The following CNTNAP2 variants were observed in gnomAD, a reference collection of about 807,000 sequenced individuals.
CNTNAP2 encodes contactin-associated protein-like 2.
In CNTNAP2, 98 loss-of-function variants were observed where a neutral mutation model predicts 155.2. That is an observed-to-expected ratio of 0.63 (90% CI 0.54 to 0.75). The LOEUF is 0.75. Among genes scored for constraint, CNTNAP2 ranks in the 30% least tolerant of loss-of-function variants. The pLI, the probability that CNTNAP2 is intolerant of heterozygous loss-of-function variation, is 0.00. For synonymous variants in CNTNAP2, 651 were observed against 631.2 expected, an observed-to-expected ratio of 1.03 and a Z score of -0.47; for missense variants, 1,727 against 1,688.1, an observed-to-expected ratio of 1.02 and a Z score of -0.40.
In CNTNAP2 at chr7:148,062,028, A is replaced by AGAGAGAGAGAGTGTGTGT. The variant is rs1388530831; in HGVS notation, c.2384-56089_2384-56088insAGAGAGAGAGTGTGTGTG. ...ATAGATGATAGAGAGAGAGAGAGAGAGTGTGTGTGTGTGTGTGTGTGTGTG... is the reference window on the plus strand; with the variant it reads ...ATAGATGATAGAGAGAGAGAGAGAGAGAGAGAGAGAGTGTGTGTGTGTGTGTGTGTGTGTGTGTGTGTG... On this transcript the variant is annotated intron_variant, in intron 15 of 23. Coordinates refer to ENST00000361727, the MANE Select transcript of CNTNAP2 (RefSeq NM_014141.6). 1.4e-4 allele frequency among the ~76,000 whole-genome samples: 15 copies of AGAGAGAGAGAGTGTGTGT among 106,016 alleles called. No homozygotes were observed. In the East Asian group the frequency reaches 2.2e-3, roughly 15 times the overall value. 69.6% of individuals were successfully genotyped at this position (106,016 alleles called of 152,430 possible).
At chr7:148,291,537 C>T (rs7781637) in intron 21 of CNTNAP2, among the ~76,000 whole-genome samples, 9,014 of 152,004 alleles carry the variant, frequency 0.059, 342 homozygotes, top group African/African-American at 0.11. Flanking sequence ...GTATTCTAGC[C>T]GTGCTGGCAG....
intron 2 of CNTNAP2, among the ~76,000 whole-genome samples, chr7:146,795,841 TA>T: frequency 1.3e-5 from 2 of 152,292 alleles, no homozygotes; most frequent in Admixed American, 1.3e-4. Flanking sequence ...AGATGTGTAT[TA>T]AAAATATGCA....
intron 3 of CNTNAP2, among the ~76,000 whole-genome samples, chr7:146,911,558 A>C (rs1796278901): frequency 6.8e-6 from 1 of 147,120 alleles, no homozygotes; most frequent in Non-Finnish European, 1.5e-5. Context: ...TTGCAAGAAC[A>C]AAAAACCAAA....
At chr7:147,441,816 TC>T in intron 10 of CNTNAP2, among the ~76,000 whole-genome samples, 3 of 39,366 alleles carry the variant, frequency 7.6e-5, no homozygotes, top group African/African-American at 2.3e-4. Context: ...AGTCTCTTTC[TC>T]TCTCTCTCTC....
At chr7:147,422,672 TTAAC>T (rs1446056496) in intron 10 of CNTNAP2, among the ~76,000 whole-genome samples, 1 of 152,142 alleles carries the variant, frequency 6.6e-6, no homozygotes, top group Non-Finnish European at 1.5e-5. Context: ...TCACAGATAA[TTAAC>T]TAAACTTAAT....
chr7:146,930,964 T>C (rs903190676), intron 3 of CNTNAP2, among the ~76,000 whole-genome samples: 2 of 152,100 alleles, frequency 1.3e-5, no homozygotes, highest in Non-Finnish European at 2.9e-5. Flanking sequence ...CAAAGAGACA[T>C]AGACTCCCAC....
Position 147,033,223 on chromosome 7 carries a change from C to T in CNTNAP2, c.403-10684C>T, listed in dbSNP as rs901776795. 3.1e-4 allele frequency among the ~76,000 whole-genome samples: 43 copies of T among 139,244 alleles called. 1 individual carries two copies. Among genetic ancestry groups the T allele is most frequent in the Admixed American group, 4.4e-4 (6 of 13,538 alleles). The allele number at this position is 139,244 out of a possible 152,430, so 91.3% of individuals were successfully genotyped here. ...ATATATGGAATATGTTGGCATGTCT[C>T]ACAATGTTTGACATGATTTTGCAAT... On this transcript the variant is annotated intron_variant, in intron 3 of 23. Transcript: ENST00000361727.
intron 11 of CNTNAP2, among the ~76,000 whole-genome samples, chr7:147,501,851 G>A (rs893918978): frequency 1.3e-5 from 2 of 152,004 alleles, no homozygotes; most frequent in Admixed American, 1.3e-4. Context: ...AAAACTATTA[G>A]AATTAACAAG....
At chr7:146,706,431 C>T (rs1207600402) in intron 1 of CNTNAP2, among the ~76,000 whole-genome samples, 2 of 152,066 alleles carry the variant, frequency 1.3e-5, no homozygotes, top group African/African-American at 2.4e-5. Flanking sequence ...TCTTCTCAGC[C>T]TGGATAGCCA....
chr7:147,816,748 A>G (rs1200947130), intron 13 of CNTNAP2, among the ~76,000 whole-genome samples: 1 of 152,210 alleles, frequency 6.6e-6, no homozygotes, highest in Admixed American at 6.5e-5. Context: ...TTTTTATGGA[A>G]ATATTGCAGT....
intron 10 of CNTNAP2, among the ~76,000 whole-genome samples, chr7:147,454,638 T>C (rs191638027): frequency 4.6e-5 from 7 of 152,138 alleles, no homozygotes; most frequent in Admixed American, 3.9e-4. Context: ...CATCAGGCAA[T>C]GCATTGAATG....
chr7:148,128,747 G>C (rs1432804619), intron 16 of CNTNAP2, among the ~76,000 whole-genome samples: 1 of 152,084 alleles, frequency 6.6e-6, no homozygotes, highest in Non-Finnish European at 1.5e-5. Context: ...GTCCTGATCT[G>C]GAAATTTCCA....
chr7:148,063,477 C>G (rs1803196832), intron 15 of CNTNAP2, among the ~76,000 whole-genome samples: 1 of 151,350 alleles, frequency 6.6e-6, no homozygotes, highest in Admixed American at 6.6e-5. Context: ...TTTTTTTCCT[C>G]TGTTTTTTAT....
chr7:146,584,101 C>A (rs538094897), intron 1 of CNTNAP2, among the ~76,000 whole-genome samples: 1 of 152,046 alleles, frequency 6.6e-6, no homozygotes, highest in African/African-American at 2.4e-5. Flanking sequence ...ACTAATAAAT[C>A]ATGAAAAGTA....
intron 12 of CNTNAP2, among the ~76,000 whole-genome samples, chr7:147,630,316 T>TTAAAAAAAAAAAAAAAAAAA (rs1286214301): frequency 1.4e-5 from 1 of 73,078 alleles, no homozygotes; most frequent in African/African-American, 4.2e-5. Flanking sequence ...GAAACAGTAG[T>TTAAAAAAAAAAAAAAAAAAA]AAAAAAAAAA....
At chr7:146,258,590 G>A (rs1261637444) in intron 1 of CNTNAP2, among the ~76,000 whole-genome samples, 1 of 152,174 alleles carries the variant, frequency 6.6e-6, no homozygotes, top group Admixed American at 6.6e-5. Context: ...CCCATATAGT[G>A]ATGGATCAAA....
At chr7:146,131,857 C>G (rs192678665) in intron 1 of CNTNAP2, among the ~76,000 whole-genome samples, 1 of 152,074 alleles carries the variant, frequency 6.6e-6, no homozygotes, top group African/African-American at 2.4e-5. Context: ...ATGCTGTTCT[C>G]GTGATAGTGA....
intron 1 of CNTNAP2, among the ~76,000 whole-genome samples, chr7:146,718,379 T>C (rs1801227899): frequency 6.6e-6 from 1 of 152,152 alleles, no homozygotes. Context: ...CTGTGGCTTG[T>C]TCACAGCCTC....
At chr7:148,085,798 C>T (rs974953686) in intron 15 of CNTNAP2, among the ~76,000 whole-genome samples, 4 of 152,076 alleles carry the variant, frequency 2.6e-5, no homozygotes, top group Admixed American at 6.6e-5. Context: ...TGGCACACTT[C>T]AGCCTCGAAC....
Sources: gnomAD v4.1 joint callset for allele counts (sites outside exome capture counted in the v4.1 genomes callset) on GRCh38, gnomAD v4.1.1 for gene constraint, MANE v1.5 for transcripts, NCBI Gene and HGNC (gene_info 2026-07-23, HGNC 2026-07-21) for gene names.